Variants in FSTL5 observed in about 807,000 individuals in gnomAD.
FSTL5 encodes the protein follistatin-related protein 5.
In FSTL5, 62 loss-of-function variants were observed where a neutral mutation model predicts 89.1. The observed-to-expected ratio is 0.70, with a 90% CI of 0.57 to 0.86. The LOEUF is 0.86. FSTL5 is among the 40% of genes least tolerant of loss of function. FSTL5 has a pLI of 0.00. For synonymous variants in FSTL5, 383 were observed against 346.2 expected, an observed-to-expected ratio of 1.11 and a Z score of -1.18; for missense variants, 1,057 against 1,001.6, an observed-to-expected ratio of 1.06 and a Z score of -0.75.
At chr4:161,706,889 T>C (rs1003664079) in intron 6 of FSTL5, among the ~76,000 whole-genome samples, 1 of 151,990 alleles carries the variant, frequency 6.6e-6, no homozygotes, top group African/African-American at 2.4e-5. Context: ...ATTGGGATCA[T>C]TTCATTAACA....
chr4:161,914,260 G>A (rs139334987), intron 4 of FSTL5, among the ~76,000 whole-genome samples: 36 of 152,092 alleles, frequency 2.4e-4, no homozygotes, highest in South Asian at 6.2e-4. Context: ...AAAATAGTAA[G>A]CTCAAACACA....
At chr4:162,025,740 G>A (rs1737254705) in intron 3 of FSTL5, among the ~76,000 whole-genome samples, 1 of 150,968 alleles carries the variant, frequency 6.6e-6, no homozygotes, top group Non-Finnish European at 1.5e-5. Context: ...TATTTAAAAG[G>A]GATATTATTT....
intron 7 of FSTL5, among the ~76,000 whole-genome samples, chr4:161,636,460 C>CTTTTTTT (rs67780564): frequency 8.3e-6 from 1 of 121,080 alleles, no homozygotes; most frequent in Non-Finnish European, 1.7e-5. Flanking sequence ...TTTTTTTTTT[C>CTTTTTTT]TTTTTTTTTT....
At chr4:161,770,578 A>G (rs1215308917) in intron 5 of FSTL5, among the ~76,000 whole-genome samples, 1 of 151,988 alleles carries the variant, frequency 6.6e-6, no homozygotes, top group Non-Finnish European at 1.5e-5. Context: ...AAGTATTTAA[A>G]TTGTAAAATA....
At chr4:161,540,572 C>G (rs1008647077) in intron 9 of FSTL5, among the ~76,000 whole-genome samples, 2 of 152,154 alleles carry the variant, frequency 1.3e-5, no homozygotes, top group South Asian at 2.1e-4. Flanking sequence ...TTATTGATTT[C>G]TATGACTCTT....
intron 10 of FSTL5, among the ~76,000 whole-genome samples, chr4:161,512,476 CA>C (rs903265784): frequency 5.3e-5 from 8 of 151,914 alleles, no homozygotes; most frequent in African/African-American, 1.9e-4. Context: ...CATTGTTAAA[CA>C]GGGGGAACTT....
At chr4:161,517,785 C>G (rs61329471) in intron 10 of FSTL5, among the ~76,000 whole-genome samples, 40,974 of 151,760 alleles carry the variant, frequency 0.27, 6,563 homozygotes, top group Non-Finnish European at 0.38. Flanking sequence ...TTCACCATTG[C>G]AAATCATTTT....
intron 4 of FSTL5, among the ~76,000 whole-genome samples, chr4:161,907,470 T>C (rs1488949459): frequency 6.6e-6 from 1 of 152,102 alleles, no homozygotes; most frequent in Non-Finnish European, 1.5e-5. Context: ...ATATTCTGCC[T>C]TTGGGAGTAG....
At chr4:162,123,062 G>T (rs1731932566) in intron 1 of FSTL5, among the ~76,000 whole-genome samples, 1 of 151,770 alleles carries the variant, frequency 6.6e-6, no homozygotes, top group African/African-American at 2.4e-5. Flanking sequence ...GATTTTATTT[G>T]CTATTAAAAA....
intron 6 of FSTL5, among the ~76,000 whole-genome samples, chr4:161,735,287 C>T (rs983762058): frequency 2.0e-5 from 3 of 152,124 alleles, no homozygotes; most frequent in African/African-American, 7.2e-5. Context: ...TTCCCAAGCA[C>T]ACCACTCCCC....
chr4:161,716,875 G>A (rs1320558143), intron 6 of FSTL5, among the ~76,000 whole-genome samples: 2 of 152,124 alleles, frequency 1.3e-5, no homozygotes, highest in Non-Finnish European at 1.5e-5. Context: ...AGGAGATAAC[G>A]TTAATTTTAT....
At chr4:161,908,324 C>T (rs1458449522) in intron 4 of FSTL5, among the ~76,000 whole-genome samples, 1 of 151,950 alleles carries the variant, frequency 6.6e-6, no homozygotes, top group East Asian at 1.9e-4. Context: ...TTTGTTCATA[C>T]ATATCTGTCC....
At chr4:162,093,358 T>C (rs1579021547) in intron 2 of FSTL5, among the ~76,000 whole-genome samples, 3 of 152,196 alleles carry the variant, frequency 2.0e-5, no homozygotes, top group African/African-American at 7.2e-5. Context: ...GGTCAAATGT[T>C]TGTTGGGAAA....
At chr4:161,593,852 T>C (rs1733917693) in intron 7 of FSTL5, among the ~76,000 whole-genome samples, 1 of 151,834 alleles carries the variant, frequency 6.6e-6, no homozygotes, top group Non-Finnish European at 1.5e-5. Context: ...TGATACAAAC[T>C]CCATAACATA....
chr4:162,157,146 G>A (rs1253895039), intron 1 of FSTL5, among the ~76,000 whole-genome samples: 1 of 152,028 alleles, frequency 6.6e-6, no homozygotes, highest in Non-Finnish European at 1.5e-5. Context: ...AAAATGATAA[G>A]AGAAAAATAG....
At chr4:161,825,623 G>A (rs1730643783) in intron 4 of FSTL5, among the ~76,000 whole-genome samples, 1 of 152,002 alleles carries the variant, frequency 6.6e-6, no homozygotes, top group African/African-American at 2.4e-5. Context: ...TAGGAGGGTT[G>A]TATATTTCCA....
chr4:161,987,195 C>A (rs1186239939), intron 3 of FSTL5, among the ~76,000 whole-genome samples: 1 of 152,048 alleles, frequency 6.6e-6, no homozygotes, highest in South Asian at 2.1e-4. Context: ...TTAAAAGAAT[C>A]CTGCTCCCTT....
rs565793548 is a variant in FSTL5 at position 161,528,308 on chromosome 4, A to C, written c.1312+9858T>G. On this transcript the variant is annotated intron_variant, in intron 10 of 15. Coordinates refer to ENST00000306100, the MANE Select transcript of FSTL5 (RefSeq NM_020116.5). ...CTTAAAGTATGATAATAATGAAATA[A>C]AATAAAAATAAATAAATTTCACATT... Among the ~76,000 whole-genome samples the C allele has an allele frequency of 3.5e-5, 5 of 143,528 alleles. 1 individual carries two copies. The East Asian group carries it at 1.2e-3, about 35-fold the overall frequency. The allele number at this position is 143,528 out of a possible 152,430, so 94.2% of individuals were successfully genotyped here. A position where few individuals can be genotyped will look rare whatever the true frequency, so the allele number is the denominator to read the frequency against.
chr4:161,839,046 A>G (rs1328051022), intron 4 of FSTL5, among the ~76,000 whole-genome samples: 1 of 152,154 alleles, frequency 6.6e-6, no homozygotes, highest in Non-Finnish European at 1.5e-5. Flanking sequence ...TGTAGGATGC[A>G]GCTAAAGCAG....
Sources: gnomAD v4.1 joint callset for allele counts (sites outside exome capture counted in the v4.1 genomes callset) on GRCh38, gnomAD v4.1.1 for gene constraint, MANE v1.5 for transcripts, NCBI Gene and HGNC (gene_info 2026-07-23, HGNC 2026-07-21) for gene names.